Variants in TAOK1 observed in about 807,000 individuals in gnomAD.
TAOK1 encodes TAO kinase 1.
TAOK1 carries 21 observed loss-of-function variants against 138.3 expected under a neutral mutation model. That is an observed-to-expected ratio of 0.15 (90% CI 0.11 to 0.22). TAOK1 has a LOEUF of 0.22. TAOK1 is among the 10% of genes least tolerant of loss of function. The pLI, the probability that TAOK1 is intolerant of heterozygous loss-of-function variation, is 1.00. For synonymous variants in TAOK1, 361 were observed against 398.4 expected (o/e 0.91, Z 1.12); for missense variants, 651 against 1,227.7 (o/e 0.53, Z 7.02).
At chr17:29,458,884 A>AT (rs766613986) in intron 2 of TAOK1, among the ~76,000 whole-genome samples, 22 of 151,352 alleles carry the variant, frequency 1.5e-4, no homozygotes, top group Non-Finnish European at 2.1e-4. Flanking sequence ...TTTATTTTTT[A>AT]TTTTTTTGTA....
chr17:29,508,192 C>A, intron 14 of TAOK1, 60 bp downstream of exon 14: 1 of 1,453,436 alleles, frequency 6.9e-7, no homozygotes, highest in Non-Finnish European at 9.6e-7. Flanking sequence ...CAGAATTAAC[C>A]AACATGGCAG....
At chr17:29,444,283 A>G (rs1354762541) in intron 1 of TAOK1, among the ~76,000 whole-genome samples, 1 of 152,208 alleles carries the variant, frequency 6.6e-6, no homozygotes, top group Non-Finnish European at 1.5e-5. Context: ...GACAGCTATT[A>G]AAAATGAACA....
At chr17:29,415,794 A>T (rs1905252094) in intron 1 of TAOK1, among the ~76,000 whole-genome samples, 1 of 152,236 alleles carries the variant, frequency 6.6e-6, no homozygotes, top group Non-Finnish European at 1.5e-5. Context: ...AAGAGAAGAT[A>T]TGGTGAAACT....
At chr17:29,533,581 G>A (rs1438459452) in intron 18 of TAOK1, among the ~76,000 whole-genome samples, 2 of 152,008 alleles carry the variant, frequency 1.3e-5, no homozygotes, top group East Asian at 1.9e-4. Flanking sequence ...GACTCCGTCT[G>A]CAATCCTGGC....
chr17:29,501,879 A>G (rs1442651089), intron 12 of TAOK1, among the ~76,000 whole-genome samples: 1 of 151,402 alleles, frequency 6.6e-6, no homozygotes, highest in Non-Finnish European at 1.5e-5. Flanking sequence ...TCTACAAAAA[A>G]TACAAAAGTT....
At position 29,502,645 on chromosome 17, in the gene TAOK1, A is replaced by G. The variant is rs1361903567; in HGVS notation, c.1260A>G (p.Gln420=). 5 of 1,613,836 alleles carry G rather than the reference A, an allele frequency of 3.1e-6. No homozygotes were observed. The East Asian group carries it at 6.7e-5, about 22-fold the overall frequency. The change falls in exon 13 of 20, where the codon CAA becomes CAG. Residue 420 remains glutamine (Q), a synonymous_variant. Coordinates refer to ENST00000261716, the MANE Select transcript of TAOK1 (RefSeq NM_020791.4). ...GDPRTRASDP[Q]SPPQVSRHKS... ...CTAGAACAAGAGCATCAGATCCACA[A>G]TCTCCACCCCAAGTATCTCGTCACA...
At chr17:29,448,107 T>A (rs1413715302) in intron 1 of TAOK1, among the ~76,000 whole-genome samples, 3 of 151,750 alleles carry the variant, frequency 2.0e-5, no homozygotes, top group Non-Finnish European at 4.4e-5. Context: ...TTCTTACTGC[T>A]TTGCATGTAG....
At chr17:29,531,404 C>G (rs1196349107) in intron 18 of TAOK1, among the ~76,000 whole-genome samples, 1 of 151,944 alleles carries the variant, frequency 6.6e-6, no homozygotes, top group Non-Finnish European at 1.5e-5. Flanking sequence ...CTTGGCCTCC[C>G]GAGTAGCTGA....
At chr17:29,526,073 C>T (rs540548326) in intron 17 of TAOK1, among the ~76,000 whole-genome samples, 15 of 151,570 alleles carry the variant, frequency 9.9e-5, no homozygotes, top group African/African-American at 3.4e-4. Context: ...GTCGGGAGTT[C>T]GAGACCAGCC....
intron 1 of TAOK1, among the ~76,000 whole-genome samples, chr17:29,400,904 CTTTTTTTTTTTT>C (rs10539936): frequency 3.8e-5 from 4 of 105,276 alleles, no homozygotes; most frequent in Non-Finnish European, 7.4e-5. Flanking sequence ...TTGTTTGCCT[CTTTTTTTTTTTT>C]TTTTTTTTTT....
chr17:29,489,245 C>G (rs2153027476), intron 8 of TAOK1, among the ~76,000 whole-genome samples: 1 of 152,240 alleles, frequency 6.6e-6, no homozygotes, highest in African/African-American at 2.4e-5. Context: ...CACCTGTAAT[C>G]CCAGCACTCT....
intron 18 of TAOK1, among the ~76,000 whole-genome samples, chr17:29,533,004 A>AG (rs766983857): frequency 4.6e-5 from 3 of 65,332 alleles, no homozygotes; most frequent in East Asian, 4.1e-4. Flanking sequence ...CCCCACCTCC[A>AG]ACCGGGCGGG....
intron 1 of TAOK1, among the ~76,000 whole-genome samples, chr17:29,427,394 A>C (rs1905674709): frequency 6.6e-6 from 1 of 151,758 alleles, no homozygotes; most frequent in African/African-American, 2.4e-5. Context: ...CAGGAGTTTC[A>C]GACCAGTCTG....
intron 12 of TAOK1, among the ~76,000 whole-genome samples, chr17:29,500,998 G>A (rs1203483796): frequency 1.3e-5 from 2 of 152,062 alleles, no homozygotes; most frequent in African/African-American, 4.8e-5. Flanking sequence ...TATTGCTAAT[G>A]GATGCAGAGT....
chr17:29,491,550 T>C (rs899254972), intron 9 of TAOK1, among the ~76,000 whole-genome samples: 3 of 152,200 alleles, frequency 2.0e-5, no homozygotes, highest in African/African-American at 4.8e-5. Context: ...TATTTAAATA[T>C]GTAGGAGCAG....
chr17:29,506,942 A>C (rs1336991105), intron 13 of TAOK1, among the ~76,000 whole-genome samples: 1 of 152,226 alleles, frequency 6.6e-6, no homozygotes, highest in Non-Finnish European at 1.5e-5. Flanking sequence ...ATACTGATAC[A>C]TACTACAACA....
At chr17:29,484,791 GAT>G (rs1375317714) in intron 8 of TAOK1, among the ~76,000 whole-genome samples, 1 of 151,992 alleles carries the variant, frequency 6.6e-6, no homozygotes, top group Non-Finnish European at 1.5e-5. Context: ...TTTTAGTAGA[GAT>G]AGGTTTTCAC....
At chr17:29,503,336 C>CG (rs1311724923) in intron 13 of TAOK1, among the ~76,000 whole-genome samples, 1 of 138,278 alleles carries the variant, frequency 7.2e-6, no homozygotes, top group Non-Finnish European at 1.5e-5. Context: ...GCAGAGCTTG[C>CG]GGTGAGCAGA....
At chr17:29,485,292 G>A (rs1295304973) in intron 8 of TAOK1, among the ~76,000 whole-genome samples, 1 of 151,940 alleles carries the variant, frequency 6.6e-6, no homozygotes, top group African/African-American at 2.4e-5. Flanking sequence ...TATGTTTAGG[G>A]TATAAAATTA....
Sources: gnomAD v4.1 joint callset for allele counts (sites outside exome capture counted in the v4.1 genomes callset) on GRCh38, gnomAD v4.1.1 for gene constraint, MANE v1.5 for transcripts, NCBI Gene and HGNC (gene_info 2026-07-23, HGNC 2026-07-21) for gene names.